PPP1R42: variants seen among roughly 807,000 people sequenced by gnomAD.
PPP1R42 encodes the protein leucine rich repeat containing 67.
In PPP1R42, 34 loss-of-function variants were observed where a neutral mutation model predicts 31.0. The ratio of observed to expected loss-of-function variants is 1.10; its 90% CI spans 0.83 to 1.46. PPP1R42 has a LOEUF of 1.46. PPP1R42 is among the 40% of genes most tolerant of loss of function. The pLI, the probability that PPP1R42 is intolerant of heterozygous loss-of-function variation, is 0.00. For synonymous variants in PPP1R42, 103 were observed against 109.8 expected, an observed-to-expected ratio of 0.94 and a Z score of 0.39; for missense variants, 268 against 303.0, an observed-to-expected ratio of 0.88 and a Z score of 0.86.
chr8:67,022,945 A>G (rs1816268232), intron 1 of PPP1R42, among the ~76,000 whole-genome samples: 2 of 152,116 alleles, frequency 1.3e-5, no homozygotes, highest in African/African-American at 4.8e-5. Flanking sequence ...TTTTGTTAGG[A>G]ATTGCAAATT....
At chr8:67,016,908 ACTT>A (rs1816032984) in intron 2 of PPP1R42, among the ~76,000 whole-genome samples, 1 of 152,120 alleles carries the variant, frequency 6.6e-6, no homozygotes, top group Admixed American at 6.6e-5. Flanking sequence ...TCACATACTT[ACTT>A]CTTAACATTT....
At chr8:66,967,390 A>G (rs1316570936) in intron 7 of PPP1R42, among the ~76,000 whole-genome samples, 1 of 152,210 alleles carries the variant, frequency 6.6e-6, no homozygotes. Flanking sequence ...TTATACCTAC[A>G]TTACTGATAC....
chr8:66,998,307 T>G (rs578066782), intron 5 of PPP1R42, among the ~76,000 whole-genome samples: 1 of 152,352 alleles, frequency 6.6e-6, no homozygotes, highest in South Asian at 2.1e-4. Context: ...ATATATCTGA[T>G]GAAGTTATAA....
chr8:67,007,589 G>A (rs1456505120), intron 5 of PPP1R42, among the ~76,000 whole-genome samples: 7 of 152,030 alleles, frequency 4.6e-5, no homozygotes, highest in East Asian at 1.9e-4. Flanking sequence ...TCAAGTGATC[G>A]GCCTGCCTCG....
In PPP1R42 at chr8:67,003,808, G is replaced by C. The variant is rs1195939329; in HGVS notation, c.552+6907C>G. Among the ~76,000 whole-genome samples the C allele has an allele frequency of 2.0e-5, 3 of 152,136 alleles. 1 individual carries two copies. Among genetic ancestry groups the C allele is most frequent in the Middle Eastern group, 6.8e-3 (2 of 294 alleles). On this transcript the variant is annotated intron_variant, in intron 5 of 7. Transcript: ENST00000685739. ...AGTAGTATTAAGAGATAGGCCTTTGGGGCTGGGTGCGGTGGCTCACGCCTG... is the reference window on the plus strand; with the variant it reads ...AGTAGTATTAAGAGATAGGCCTTTGCGGCTGGGTGCGGTGGCTCACGCCTG...
chr8:67,007,527 T>A (rs751415767), intron 5 of PPP1R42, among the ~76,000 whole-genome samples: 4 of 152,208 alleles, frequency 2.6e-5, no homozygotes, highest in Non-Finnish European at 4.4e-5. Flanking sequence ...TCTGGGCAAA[T>A]TATTGTATAA....
intron 5 of PPP1R42, among the ~76,000 whole-genome samples, chr8:67,007,539 G>T (rs1296405144): frequency 6.6e-6 from 1 of 152,048 alleles, no homozygotes; most frequent in Non-Finnish European, 1.5e-5. Flanking sequence ...ATTGTATAAG[G>T]TTTCGCCACG....
At chr8:67,019,452 C>G (rs1350996054) in intron 1 of PPP1R42, among the ~76,000 whole-genome samples, 1 of 147,978 alleles carries the variant, frequency 6.8e-6, no homozygotes, top group East Asian at 2.2e-4. Flanking sequence ...CTTGGCCAGG[C>G]TGGTCTTGAA....
intron 2 of PPP1R42, among the ~76,000 whole-genome samples, chr8:67,015,863 ACTT>A (rs995086921): frequency 1.3e-5 from 2 of 152,178 alleles, no homozygotes; most frequent in African/African-American, 4.8e-5. Flanking sequence ...GCCTTCATTA[ACTT>A]CTTTTAAAAT....
chr8:66,968,539 A>C (rs1814448871), intron 7 of PPP1R42: 1 of 951,740 alleles, frequency 1.1e-6, no homozygotes, highest in African/African-American at 1.8e-5. Context: ...AATTAAGGCA[A>C]GGGGTAGCTT....
chr8:66,981,380 C>CTT (rs1175089191), intron 7 of PPP1R42, among the ~76,000 whole-genome samples: 8 of 136,220 alleles, frequency 5.9e-5, no homozygotes, highest in Admixed American at 7.4e-5. Flanking sequence ...GATTTTTGCA[C>CTT]TTTTTTTTTT....
At chr8:66,999,578 GA>G (rs1179700948) in intron 5 of PPP1R42, among the ~76,000 whole-genome samples, 1 of 152,142 alleles carries the variant, frequency 6.6e-6, no homozygotes, top group Non-Finnish European at 1.5e-5. Context: ...TTGAACTCCT[GA>G]GCGCAAGAGA....
At chr8:66,969,221 C>A (rs1364228189) in intron 7 of PPP1R42, among the ~76,000 whole-genome samples, 1 of 152,118 alleles carries the variant, frequency 6.6e-6, no homozygotes, top group Non-Finnish European at 1.5e-5. Flanking sequence ...GTATAGAATT[C>A]ATCAACATTG....
intron 6 of PPP1R42, chr8:66,988,167 A>C (rs868299460): frequency 8.8e-7 from 1 of 1,132,498 alleles, no homozygotes; most frequent in Middle Eastern, 3.7e-4. Flanking sequence ...ATAGCAAAAT[A>C]TCCTCCTTAA....
chr8:67,010,923 G>T lies in PPP1R42; in HGVS notation c.436-92C>A, dbSNP rs563716463. The T allele has an allele frequency of 9.8e-6, 12 of 1,227,162 alleles. No homozygotes were observed. In the East Asian group the frequency reaches 2.9e-4, roughly 29 times the overall value. The allele number at this position is 1,227,162 out of a possible 1,614,324, so 76.0% of individuals were successfully genotyped here. A position where few individuals can be genotyped will look rare whatever the true frequency, so the allele number is the denominator to read the frequency against. On this transcript the variant is annotated intron_variant, in intron 4 of 7. Transcript: ENST00000685739. ...CCTAATCTTTGAAAAGTTTAAGCTTGATCAGTTCAGGTTGTTTTGTTCTTT... is the reference window on the plus strand; with the variant it reads ...CCTAATCTTTGAAAAGTTTAAGCTTTATCAGTTCAGGTTGTTTTGTTCTTT...
At chr8:67,025,340 G>T (rs1816361025) in intron 1 of PPP1R42, among the ~76,000 whole-genome samples, 1 of 151,854 alleles carries the variant, frequency 6.6e-6, no homozygotes, top group African/African-American at 2.4e-5. Context: ...TCAAACTCCT[G>T]GGCTCAAGTG....
At chr8:67,015,905 A>G (rs1290842193) in intron 2 of PPP1R42, among the ~76,000 whole-genome samples, 1 of 152,246 alleles carries the variant, frequency 6.6e-6, no homozygotes. Context: ...CTGTAAGTTT[A>G]GAAGTTATTC....
chr8:66,981,927 C>T (rs1814853468), intron 7 of PPP1R42, 122 bp downstream of exon 7: 2 of 1,034,516 alleles, frequency 1.9e-6, no homozygotes, highest in East Asian at 3.2e-5. Flanking sequence ...TTTAAAAAAC[C>T]CCATAAAACA....
chr8:66,982,546 C>T (rs1814875013), intron 6 of PPP1R42, among the ~76,000 whole-genome samples: 1 of 151,992 alleles, frequency 6.6e-6, no homozygotes. Context: ...ACCTCTGCCC[C>T]CTGGGGCTCA....
Sources: allele counts gnomAD v4.1 joint callset (sites outside exome capture counted in the v4.1 genomes callset), GRCh38; gene constraint gnomAD v4.1.1; transcripts MANE v1.5; gene names NCBI Gene and HGNC (gene_info 2026-07-23, HGNC 2026-07-21).